The following LHFPL3 variants were observed in gnomAD, a reference collection of about 807,000 sequenced individuals.
The protein encoded by LHFPL3 is LHFPL tetraspan subfamily member 3 protein.
A neutral mutation model predicts 19.3 loss-of-function variants in LHFPL3; 5 were observed. That is an observed-to-expected ratio of 0.26 (90% CI 0.14 to 0.54). The LOEUF is 0.54. Ranked by LOEUF, LHFPL3 falls within the 20% of genes least tolerant of loss-of-function variation. The pLI is 0.94. For synonymous variants in LHFPL3, 133 were observed against 126.2 expected (o/e 1.05, Z -0.36); for missense variants, 249 against 307.4 (o/e 0.81, Z 1.42).
At chr7:104,558,219 G>A (rs923269135) in intron 1 of LHFPL3, among the ~76,000 whole-genome samples, 3 of 151,716 alleles carry the variant, frequency 2.0e-5, no homozygotes, top group Admixed American at 6.6e-5. Flanking sequence ...GGATCAAATG[G>A]TATTTCCAGT....
At chr7:104,365,797 A>AAAAAAAAAAAAAAAAAAAAAAG (rs1554381866) in intron 1 of LHFPL3, among the ~76,000 whole-genome samples, 1 of 125,966 alleles carries the variant, frequency 7.9e-6, no homozygotes, top group African/African-American at 3.1e-5. Context: ...CAAAAAAAAA[A>AAAAAAAAAAAAAAAAAAAAAAG]AAAAAAAAGA....
chr7:104,717,637 TA>T (rs925370691), intron 1 of LHFPL3, among the ~76,000 whole-genome samples: 19 of 151,594 alleles, frequency 1.3e-4, no homozygotes, highest in African/African-American at 4.4e-4. Context: ...ATGACTACTA[TA>T]AAAAAAAGGC....
chr7:104,877,350 A>C (rs1401474703), intron 2 of LHFPL3, among the ~76,000 whole-genome samples: 1 of 152,236 alleles, frequency 6.6e-6, no homozygotes, highest in Non-Finnish European at 1.5e-5. Context: ...CAATATTTGC[A>C]AATTATATAC....
chr7:104,830,290 A>C (rs1442637781), intron 2 of LHFPL3, among the ~76,000 whole-genome samples: 1 of 151,424 alleles, frequency 6.6e-6, no homozygotes, highest in Non-Finnish European at 1.5e-5. Context: ...TTGCCTATTC[A>C]CTCTGATGGT....
At chr7:104,627,679 C>T (rs957180735) in intron 1 of LHFPL3, among the ~76,000 whole-genome samples, 3 of 152,158 alleles carry the variant, frequency 2.0e-5, no homozygotes, top group Non-Finnish European at 4.4e-5. Context: ...GATACCATCC[C>T]TGTCATTATT....
chr7:104,697,350 A>G (rs1026925408), intron 1 of LHFPL3, among the ~76,000 whole-genome samples: 2 of 152,268 alleles, frequency 1.3e-5, no homozygotes, highest in East Asian at 1.9e-4. Flanking sequence ...TTAAGAATAT[A>G]TATGAGAACC....
At chr7:104,585,412 C>A (rs1164319046) in intron 1 of LHFPL3, among the ~76,000 whole-genome samples, 2 of 151,564 alleles carry the variant, frequency 1.3e-5, no homozygotes, top group African/African-American at 4.8e-5. Context: ...CTTTTATCCA[C>A]AGCCACTTTC....
At chr7:104,900,776 T>A (rs187123171) in intron 2 of LHFPL3, among the ~76,000 whole-genome samples, 11 of 152,352 alleles carry the variant, frequency 7.2e-5, no homozygotes, top group Admixed American at 3.9e-4. Context: ...GAGCAGTGAT[T>A]CAAATGACAG....
At position 104,602,040 on chromosome 7, in the gene LHFPL3, T is replaced by TTC. The variant is rs397951500; in HGVS notation, c.446-134635_446-134634insTC. Among the ~76,000 whole-genome samples, 31 of 147,556 alleles carry TTC rather than the reference T, an allele frequency of 2.1e-4. 1 individual carries two copies. The South Asian group carries it at 5.3e-3, about 25-fold the overall frequency. On this transcript the variant is annotated intron_variant, in intron 1 of 2. Coordinates refer to ENST00000424859, the MANE Select transcript of LHFPL3 (RefSeq NM_199000.3). ...CTTTTCTTTTTTTTTTTTTTTTTTT[T>TTC]CTGACAGCCTTGCTCTGTCACCCAT... is the stretch of plus-strand genomic sequence containing the variant.
At chr7:104,864,765 T>G (rs1051817665) in intron 2 of LHFPL3, among the ~76,000 whole-genome samples, 2 of 152,230 alleles carry the variant, frequency 1.3e-5, no homozygotes, top group Admixed American at 1.3e-4. Flanking sequence ...AGCACACAGC[T>G]GGAGATCTGA....
At chr7:104,862,636 C>CA (rs1791637242) in intron 2 of LHFPL3, among the ~76,000 whole-genome samples, 1 of 74 alleles carries the variant, frequency 0.014, no homozygotes, top group African/African-American at 0.056. Flanking sequence ...GCTGGTCCCG[C>CA]AGTGCCCAAA....
At chr7:104,501,748 A>T (rs1301021090) in intron 1 of LHFPL3, among the ~76,000 whole-genome samples, 4 of 152,200 alleles carry the variant, frequency 2.6e-5, no homozygotes, top group Non-Finnish European at 5.9e-5. Flanking sequence ...TTTGAAAGAA[A>T]GTTCTAGAAA....
chr7:104,710,098 A>T (rs561155855), intron 1 of LHFPL3, among the ~76,000 whole-genome samples: 2 of 152,356 alleles, frequency 1.3e-5, no homozygotes, highest in East Asian at 3.9e-4. Context: ...AGGCAGGCAG[A>T]TCACTCGAGG....
At chr7:104,881,268 T>A (rs528306887) in intron 2 of LHFPL3, among the ~76,000 whole-genome samples, 10 of 152,254 alleles carry the variant, frequency 6.6e-5, no homozygotes, top group African/African-American at 2.2e-4. Flanking sequence ...TTGAAAACCT[T>A]CTGGAAAGTA....
At chr7:104,477,013 C>G (rs1793034727) in intron 1 of LHFPL3, among the ~76,000 whole-genome samples, 1 of 151,984 alleles carries the variant, frequency 6.6e-6, no homozygotes, top group South Asian at 2.1e-4. Context: ...TTTTTTAATA[C>G]AAAGTCTTGC....
chr7:104,836,679 T>C (rs1398485024), intron 2 of LHFPL3, among the ~76,000 whole-genome samples: 1 of 152,180 alleles, frequency 6.6e-6, no homozygotes, highest in Non-Finnish European at 1.5e-5. Context: ...CTCTGTTTTT[T>C]ATAAGTTCAC....
chr7:104,470,726 C>T (rs1363803422), intron 1 of LHFPL3, among the ~76,000 whole-genome samples: 1 of 152,142 alleles, frequency 6.6e-6, no homozygotes, highest in Non-Finnish European at 1.5e-5. Context: ...GGAAGACTGG[C>T]CCTGGAGTCC....
chr7:104,614,735 CT>C (rs1271237480), intron 1 of LHFPL3, among the ~76,000 whole-genome samples: 2 of 123,562 alleles, frequency 1.6e-5, no homozygotes, highest in Non-Finnish European at 3.4e-5. Context: ...TTCTTTCTTT[CT>C]TTCTCTTTCT....
At chr7:104,424,746 C>T (rs147506432) in intron 1 of LHFPL3, among the ~76,000 whole-genome samples, 1 of 152,012 alleles carries the variant, frequency 6.6e-6, no homozygotes, top group African/African-American at 2.4e-5. Flanking sequence ...AATCCCAGCA[C>T]TTTGGGAGGC....
Sources: allele counts gnomAD v4.1 joint callset (sites outside exome capture counted in the v4.1 genomes callset), GRCh38; gene constraint gnomAD v4.1.1; transcripts MANE v1.5; gene names NCBI Gene and HGNC (gene_info 2026-07-23, HGNC 2026-07-21).